Variants in SDK1 observed in about 807,000 individuals in gnomAD.
SDK1 encodes sidekick cell adhesion molecule 1.
In SDK1, 157 loss-of-function variants were observed where a neutral mutation model predicts 245.5. The observed-to-expected ratio is 0.64, with a 90% CI of 0.56 to 0.73. SDK1 has a LOEUF of 0.73. Ranked by LOEUF, SDK1 falls within the 30% of genes least tolerant of loss-of-function variation. The pLI is 0.00. For synonymous variants in SDK1, 1,647 were observed against 1,278.5 expected, an observed-to-expected ratio of 1.29 and a Z score of -6.15; for missense variants, 3,583 against 3,002.3, an observed-to-expected ratio of 1.19 and a Z score of -4.52.
intron 4 of SDK1, among the ~76,000 whole-genome samples, chr7:3,678,934 G>GAAC (rs989121142): frequency 1.3e-5 from 2 of 152,000 alleles, no homozygotes; most frequent in Non-Finnish European, 2.9e-5. Flanking sequence ...AAACTTAAAT[G>GAAC]AACAACAACA....
chr7:3,744,247 C>A (rs1222741046), intron 4 of SDK1, among the ~76,000 whole-genome samples: 1 of 152,054 alleles, frequency 6.6e-6, no homozygotes, highest in East Asian at 1.9e-4. Flanking sequence ...CTCCCCCCAT[C>A]TCTCCAATTA....
intron 28 of SDK1, among the ~76,000 whole-genome samples, chr7:4,139,019 G>A (rs138644263): frequency 3.3e-4 from 51 of 152,336 alleles, no homozygotes; most frequent in African/African-American, 1.1e-3. Flanking sequence ...TTAGCCAACC[G>A]CTGAGAGGCA....
chr7:3,662,346 C>G (rs1562639566), intron 4 of SDK1, among the ~76,000 whole-genome samples: 1 of 152,120 alleles, frequency 6.6e-6, no homozygotes, highest in Non-Finnish European at 1.5e-5. Context: ...AAAGATGGAG[C>G]ATGAGCATTT....
intron 5 of SDK1, among the ~76,000 whole-genome samples, chr7:3,827,179 G>C (rs937238214): frequency 2.0e-5 from 3 of 151,232 alleles, no homozygotes; most frequent in African/African-American, 4.9e-5. Context: ...TATGGGGGAA[G>C]CTCAATATGC....
intron 1 of SDK1, among the ~76,000 whole-genome samples, chr7:3,502,473 CTCCTG>C (rs1782248034): frequency 6.6e-6 from 1 of 152,156 alleles, no homozygotes; most frequent in Admixed American, 6.5e-5. Context: ...TGATCTTGAA[CTCCTG>C]ACCTCAGGTG....
chr7:3,989,531 C>A (rs1784134546), intron 14 of SDK1, among the ~76,000 whole-genome samples: 1 of 152,176 alleles, frequency 6.6e-6, no homozygotes, highest in Non-Finnish European at 1.5e-5. Context: ...TGGCTGTTAA[C>A]ACGATCCACT....
Position 4,221,349 on chromosome 7 carries a change from G to A in SDK1, c.5812G>A (p.Glu1938Lys), listed in dbSNP as rs757343925. The change falls in exon 40 of 45, where the codon GAG becomes AAG. Residue 1938 changes from glutamate to lysine, a missense_variant. Physicochemically the swap from Glu to Lys is moderately conservative, Grantham distance 56. Transcript: ENST00000404826. Reference sequence around the variant, plus strand: ...CACACCTACCACGGGCTATGTGATCGAGGCCCGGCCCTCAGGTAGGGTGGC... The same window carrying A: ...CACACCTACCACGGGCTATGTGATCAAGGCCCGGCCCTCAGGTAGGGTGGC... ...GDTPTTGYVI[E>K]ARPSDEGLWD... 7.5e-6 allele frequency: 12 copies of A among 1,609,712 alleles called. No homozygotes were observed. The highest frequency in any genetic ancestry group is 1.7e-5 in the Admixed American group (1 of 59,540).
intron 1 of SDK1, among the ~76,000 whole-genome samples, chr7:3,454,137 G>A (rs1044009729): frequency 4.6e-5 from 7 of 151,930 alleles, no homozygotes; most frequent in African/African-American, 1.5e-4. Flanking sequence ...ACTTGGACCC[G>A]AGATCAATTG....
At chr7:4,227,337 T>G (rs1785503030) in intron 40 of SDK1, 1 of 468,848 alleles carries the variant, frequency 2.1e-6, no homozygotes, top group South Asian at 1.6e-5. Context: ...CACCCCTTCC[T>G]GGGATCAGCC....
At chr7:3,622,213 C>G (rs1344679257) in intron 2 of SDK1, among the ~76,000 whole-genome samples, 1 of 152,204 alleles carries the variant, frequency 6.6e-6, no homozygotes, top group Non-Finnish European at 1.5e-5. Context: ...CGCAGTGGCT[C>G]ACACCTGTAA....
intron 1 of SDK1, among the ~76,000 whole-genome samples, chr7:3,517,061 C>A (rs1362484146): frequency 6.6e-6 from 1 of 152,038 alleles, no homozygotes; most frequent in Non-Finnish European, 1.5e-5. Flanking sequence ...TCTCTGTAGT[C>A]TGTATTTTAT....
intron 5 of SDK1, among the ~76,000 whole-genome samples, chr7:3,839,923 T>A (rs1440595560): frequency 3.3e-5 from 5 of 152,220 alleles, no homozygotes. Flanking sequence ...GCTTAATATA[T>A]ATTACATCAA....
chr7:3,882,734 T>C (rs1781237492), intron 5 of SDK1, among the ~76,000 whole-genome samples: 1 of 152,206 alleles, frequency 6.6e-6, no homozygotes, highest in African/African-American at 2.4e-5. Flanking sequence ...CTTCTTTTTT[T>C]TTTTAAAAGC....
chr7:3,866,801 A>T (rs928996218), intron 5 of SDK1, among the ~76,000 whole-genome samples: 8 of 152,174 alleles, frequency 5.3e-5, no homozygotes, highest in African/African-American at 1.9e-4. Context: ...TGGAGGAACC[A>T]CTTGAGAGGA....
Position 3,301,551 on chromosome 7 carries a change from C to T in SDK1, c.-36C>T, listed in dbSNP as rs1466899197. 2 of 773,782 alleles carry T rather than the reference C, an allele frequency of 2.6e-6. No individual in the cohort carries two copies. The highest frequency in any genetic ancestry group is 3.1e-6 in the Non-Finnish European group (2 of 640,702). 47.9% of individuals were successfully genotyped at this position (773,782 alleles called of 1,614,324 possible). A position where few individuals can be genotyped will look rare whatever the true frequency, so the allele number is the denominator to read the frequency against. On this transcript the variant is annotated 5_prime_UTR_variant, in exon 1 of 45. Transcript: ENST00000404826. The stretch of plus-strand genomic sequence containing the variant: ...GTCCCGCCTGTCCTGCCCGCCCGTC[C>T]GTCCGGCGCGGCGCTCGGGGTGGCG...
At chr7:3,681,925 C>T (rs1054151058) in intron 4 of SDK1, among the ~76,000 whole-genome samples, 1 of 151,998 alleles carries the variant, frequency 6.6e-6, no homozygotes, top group Non-Finnish European at 1.5e-5. Flanking sequence ...TTATACAGTC[C>T]CTATACTGTA....
chr7:3,855,047 C>T (rs914933049), intron 5 of SDK1, among the ~76,000 whole-genome samples: 2 of 152,040 alleles, frequency 1.3e-5, no homozygotes, highest in African/African-American at 2.4e-5. Context: ...GATTTGCCTG[C>T]CCACTTGTGA....
chr7:3,971,645 GAAGA>G, intron 12 of SDK1, 77 bp downstream of exon 12: 1 of 1,070,174 alleles, frequency 9.3e-7, no homozygotes, highest in Non-Finnish European at 1.4e-6. Flanking sequence ...AGATGAGGAG[GAAGA>G]ATTGGGGGAA....
chr7:3,616,596 G>A (rs757037970), intron 1 of SDK1, among the ~76,000 whole-genome samples: 16 of 152,000 alleles, frequency 1.1e-4, no homozygotes, highest in South Asian at 2.1e-4. Flanking sequence ...AGTTCTTGCC[G>A]TACTCATAGA....
Sources: allele counts gnomAD v4.1 joint callset (sites outside exome capture counted in the v4.1 genomes callset), GRCh38; gene constraint gnomAD v4.1.1; transcripts MANE v1.5; gene names NCBI Gene and HGNC (gene_info 2026-07-23, HGNC 2026-07-21).